Variants in CLDN18 observed in about 807,000 individuals in gnomAD.
CLDN18 encodes claudin 18.
A neutral mutation model predicts 25.0 loss-of-function variants in CLDN18; 20 were observed. The observed-to-expected ratio is 0.80, with a 90% confidence interval of 0.56 to 1.16. The LOEUF is 1.16. CLDN18 is among the 50% of genes most tolerant of loss of function. The pLI is 0.00. For synonymous variants in CLDN18, 125 were observed against 135.6 expected, an observed-to-expected ratio of 0.92 and a Z score of 0.54; for missense variants, 297 against 345.4, an observed-to-expected ratio of 0.86 and a Z score of 1.11.
chr3:138,016,776 G>A (rs1029461100), intron 1 of CLDN18, among the ~76,000 whole-genome samples: 14 of 152,096 alleles, frequency 9.2e-5, no homozygotes, highest in African/African-American at 2.7e-4. Context: ...GTGCTGGGCC[G>A]GGCTTGGTGG....
upstream of CLDN18, among the ~76,000 whole-genome samples, chr3:138,009,807 A>T (rs999316313): frequency 6.6e-6 from 1 of 152,222 alleles, no homozygotes; most frequent in African/African-American, 2.4e-5. Flanking sequence ...GGTGCTTCCC[A>T]GGGGCCATCT....
At chr3:138,002,463 A>G (rs764520114) in intron 1 of CLDN18, among the ~76,000 whole-genome samples, 4 of 152,158 alleles carry the variant, frequency 2.6e-5, no homozygotes, top group Non-Finnish European at 4.4e-5. Flanking sequence ...TTTCTGTTTA[A>G]TCTACATGAC....
intron 3 of CLDN18, among the ~76,000 whole-genome samples, chr3:138,027,846 A>G (rs1576413154): frequency 6.6e-6 from 1 of 152,192 alleles, no homozygotes; most frequent in South Asian, 2.1e-4. Flanking sequence ...TCCGCTGTTC[A>G]GCTCCCAGCC....
At chr3:138,028,365 A>G (rs1020476335) in intron 3 of CLDN18, among the ~76,000 whole-genome samples, 2 of 152,136 alleles carry the variant, frequency 1.3e-5, no homozygotes, top group East Asian at 1.9e-4. Flanking sequence ...ACACCCAGCC[A>G]ATGTGTGTGC....
At chr3:138,005,897 G>C (rs1351254196), upstream of CLDN18, among the ~76,000 whole-genome samples, 1 of 150,510 alleles carries the variant, frequency 6.6e-6, no homozygotes, top group African/African-American at 2.5e-5. Flanking sequence ...AATGGGGGAA[G>C]GTACAATCTA....
upstream of CLDN18, chr3:138,005,210 G>T (rs192960585): frequency 3.6e-4 from 54 of 151,578 alleles, no homozygotes; most frequent in Admixed American, 3.2e-3. Context: ...TGGGTTTTTT[G>T]TTTTTTTTCT....
intron 4 of CLDN18, 129 bp downstream of exon 4, chr3:138,030,036 G>C: frequency 1.5e-6 from 1 of 655,638 alleles, no homozygotes; most frequent in Non-Finnish European, 2.7e-6. Flanking sequence ...AAGGATTATC[G>C]AAGCTTCTCT....
At position 138,023,722 on chromosome 3, in the gene CLDN18, G is replaced by C; in HGVS notation, c.285G>C (p.Leu95=). 1 of 1,614,068 alleles carries C rather than the reference G, an allele frequency of 6.2e-7. No homozygotes were observed. Among genetic ancestry groups the C allele is most frequent in the Non-Finnish European group, 8.5e-7 (1 of 1,180,010 alleles). Residue 95 remains leucine, a synonymous_variant, in exon 2 of 5, where the codon CTG becomes CTC. Transcript: ENST00000183605. The stretch of plus-strand genomic sequence containing the variant: ...TCGTCCTGGGTGCCATTGGCCTCCT[G>C]GTATCCATCTTTGCCCTGAAATGCA... The part of the protein sequence containing the change: ...VGIVLGAIGL[L]VSIFALKCIR...
intron 1 of CLDN18, among the ~76,000 whole-genome samples, chr3:138,002,539 A>C (rs1236546338): frequency 6.6e-6 from 1 of 152,242 alleles, no homozygotes; most frequent in East Asian, 1.9e-4. Flanking sequence ...CATAAACACC[A>C]ACATAAACAT....
At chr3:138,003,455 A>G (rs1320685080) in intron 1 of CLDN18, among the ~76,000 whole-genome samples, 2 of 152,254 alleles carry the variant, frequency 1.3e-5, no homozygotes, top group Non-Finnish European at 2.9e-5. Context: ...GGAAAATCAC[A>G]GTGGCACGAG....
chr3:138,007,048 A>G (rs1395100805), upstream of CLDN18, among the ~76,000 whole-genome samples: 3 of 152,132 alleles, frequency 2.0e-5, no homozygotes, highest in Admixed American at 6.5e-5. Flanking sequence ...TCCATCTTCA[A>G]TCTATGTTTT....
intron 2 of CLDN18, 120 bp from the exon 3 acceptor site, chr3:138,024,487 G>A (rs1942302878): frequency 1.5e-6 from 1 of 677,556 alleles, no homozygotes. Flanking sequence ...ATCAATGCTT[G>A]GTTATAGGGA....
At chr3:138,007,542 G>A (rs1248364818), upstream of CLDN18, among the ~76,000 whole-genome samples, 4 of 151,728 alleles carry the variant, frequency 2.6e-5, no homozygotes, top group Non-Finnish European at 2.9e-5. Flanking sequence ...GGGGCCTGTC[G>A]GGGGTCGGGG....
At chr3:138,003,190 C>T (rs779221659) in intron 1 of CLDN18, among the ~76,000 whole-genome samples, 8 of 152,268 alleles carry the variant, frequency 5.3e-5, no homozygotes, top group Non-Finnish European at 1.2e-4. Flanking sequence ...AGCATCAATA[C>T]CCACCCACAC....
At chr3:138,013,174 G>T (rs1226883900) in intron 1 of CLDN18, among the ~76,000 whole-genome samples, 1 of 152,186 alleles carries the variant, frequency 6.6e-6, no homozygotes, top group Non-Finnish European at 1.5e-5. Context: ...CCCCAAAAAG[G>T]ACAGTAAATC....
intron 4 of CLDN18, among the ~76,000 whole-genome samples, 187 bp from the exon 5 acceptor site, chr3:138,030,783 A>G (rs1180089122): frequency 6.6e-6 from 1 of 152,218 alleles, no homozygotes; most frequent in African/African-American, 2.4e-5. Flanking sequence ...CTTCTGTTCC[A>G]CTGCAGAGGC....
chr3:138,027,215 C>T (rs768833561), intron 3 of CLDN18, among the ~76,000 whole-genome samples: 3 of 152,224 alleles, frequency 2.0e-5, no homozygotes, highest in African/African-American at 4.8e-5. Flanking sequence ...GAGGCAGCTG[C>T]CCTTTTGGCT....
intron 1 of CLDN18, among the ~76,000 whole-genome samples, chr3:138,002,420 A>T (rs994263748): frequency 6.6e-6 from 1 of 152,218 alleles, no homozygotes; most frequent in Non-Finnish European, 1.5e-5. Context: ...GCCAGCGTGC[A>T]GGCATTTGAG....
At chr3:138,018,368 G>A (rs1181704319) in intron 1 of CLDN18, among the ~76,000 whole-genome samples, 2 of 129,642 alleles carry the variant, frequency 1.5e-5, no homozygotes, top group Non-Finnish European at 3.1e-5. Context: ...ACGGAGTCTC[G>A]CTCTGTCGCC....
Sources: allele counts gnomAD v4.1 joint callset (sites outside exome capture counted in the v4.1 genomes callset), GRCh38; gene constraint gnomAD v4.1.1; transcripts MANE v1.5; gene names NCBI Gene and HGNC (gene_info 2026-07-23, HGNC 2026-07-21).